KCNQ3: variants seen among roughly 807,000 people sequenced by gnomAD.
KCNQ3 encodes the protein potassium voltage-gated channel subfamily KQT member 3.
A neutral mutation model predicts 92.5 loss-of-function variants in KCNQ3; 30 were observed. The ratio of observed to expected loss-of-function variants is 0.32; its 90% CI spans 0.24 to 0.44. KCNQ3 has a LOEUF of 0.44. KCNQ3 is among the 20% of genes least tolerant of loss of function. The pLI, the probability that KCNQ3 is intolerant of heterozygous loss-of-function variation, is 1.00. For missense variants in KCNQ3, 913 were observed against 1,140.3 expected (o/e 0.80, Z 2.87); for synonymous variants, 450 against 468.8 (o/e 0.96, Z 0.52).
intron 8 of KCNQ3, among the ~76,000 whole-genome samples, chr8:132,164,932 C>T (rs16904613): frequency 0.16 from 25,034 of 152,030 alleles, 2,406 homozygotes; most frequent in African/African-American, 0.25. Flanking sequence ...CTCCACTCAC[C>T]GGACTTCTGT....
At chr8:132,374,731 C>A (rs534147670) in intron 1 of KCNQ3, among the ~76,000 whole-genome samples, 2 of 152,068 alleles carry the variant, frequency 1.3e-5, no homozygotes, top group Admixed American at 1.3e-4. Flanking sequence ...TGTGCATCCA[C>A]GTTTTCTCAT....
intron 10 of KCNQ3, chr8:132,140,409 TG>T: frequency 2.0e-6 from 1 of 512,278 alleles, no homozygotes; most frequent in South Asian, 2.5e-5. Flanking sequence ...AGCTCATGAC[TG>T]GTAGTGAGGG....
intron 1 of KCNQ3, among the ~76,000 whole-genome samples, chr8:132,230,165 A>G (rs982145516): frequency 1.3e-5 from 2 of 152,080 alleles, no homozygotes; most frequent in African/African-American, 4.8e-5. Flanking sequence ...GCTGCCTCCA[A>G]TTTGGATGTA....
intron 1 of KCNQ3, among the ~76,000 whole-genome samples, chr8:132,272,697 C>G (rs991173615): frequency 6.6e-6 from 1 of 152,128 alleles, no homozygotes; most frequent in African/African-American, 2.4e-5. Flanking sequence ...GAGACTTATT[C>G]ACTATCAAGG....
At chr8:132,442,921 A>G (rs1193791291) in intron 1 of KCNQ3, among the ~76,000 whole-genome samples, 3 of 152,088 alleles carry the variant, frequency 2.0e-5, no homozygotes, top group East Asian at 1.9e-4. Flanking sequence ...CCTTCTCCCT[A>G]TGCAACACCC....
intron 1 of KCNQ3, among the ~76,000 whole-genome samples, chr8:132,452,598 C>G (rs181505669): frequency 6.6e-5 from 10 of 152,300 alleles, no homozygotes; most frequent in Admixed American, 5.9e-4. Context: ...GCTATTACTC[C>G]TTCCACTGGC....
In KCNQ3 at chr8:132,137,903, A is replaced by G; in HGVS notation, c.1682T>C (p.Ile561Thr). ...SAGHLDMLSR[I>T]KYLQTRIDMI... ...GTCTCACCTCGTCTGAAGGTACTTT[A>G]TCCTGGAAAGCATGTCGAGATGCCC... Residue 561 changes from isoleucine (I) to threonine (T), a missense_variant, in exon 12 of 15, where the codon ATA (isoleucine) becomes ACA (threonine). Ile to Thr is a moderately conservative substitution (Grantham distance 89). Transcript: ENST00000388996. 6.2e-7 allele frequency: 1 copy of G among 1,614,132 alleles called. No homozygotes were observed. Among genetic ancestry groups the G allele is most frequent in the Middle Eastern group, 1.6e-4 (1 of 6,062 alleles).
intron 1 of KCNQ3, among the ~76,000 whole-genome samples, chr8:132,477,350 TA>T (rs5895143): frequency 0.73 from 105,020 of 143,650 alleles, 38,037 homozygotes; most frequent in African/African-American, 0.79. Context: ...CATTTTAATT[TA>T]AAAAAAAAAA....
At chr8:132,265,109 A>G (rs1430355318) in intron 1 of KCNQ3, among the ~76,000 whole-genome samples, 2 of 152,190 alleles carry the variant, frequency 1.3e-5, no homozygotes, top group South Asian at 2.1e-4. Context: ...TAATAAAGGT[A>G]CAGGTCCTGG....
At chr8:132,271,598 T>G (rs576998026) in intron 1 of KCNQ3, among the ~76,000 whole-genome samples, 1 of 152,138 alleles carries the variant, frequency 6.6e-6, no homozygotes, top group Non-Finnish European at 1.5e-5. Context: ...TGTTGTTGTT[T>G]TACCAGTTTG....
Position 132,124,468 on chromosome 8 carries a change from G to C in KCNQ3, c.*4794C>G, listed in dbSNP as rs998224038. The C allele has an allele frequency of 1.3e-5, 2 of 152,150 alleles. No homozygotes were observed. Among genetic ancestry groups the C allele is most frequent in the South Asian group, 4.1e-4 (2 of 4,824 alleles). The allele number at this position is 152,150 out of a possible 1,614,324, so 9.4% of individuals were successfully genotyped here. A position where few individuals can be genotyped will look rare whatever the true frequency, so the allele number is the denominator to read the frequency against. On this transcript the variant is annotated 3_prime_UTR_variant, in exon 15 of 15. Transcript: ENST00000388996. ...CACGGCAGAAGAGTCAAATGCTTTT[G>C]AATGTGCTGAAACTCAAATTTTCTT...
chr8:132,353,256 G>A (rs923795383), intron 1 of KCNQ3, among the ~76,000 whole-genome samples: 1 of 151,906 alleles, frequency 6.6e-6, no homozygotes, highest in African/African-American at 2.4e-5. Flanking sequence ...GCCAAAAAAA[G>A]TAGGATTTTA....
chr8:132,167,331 T>A (rs905675356), intron 8 of KCNQ3, among the ~76,000 whole-genome samples: 1 of 152,192 alleles, frequency 6.6e-6, no homozygotes, highest in Non-Finnish European at 1.5e-5. Context: ...GATAATAAAA[T>A]TGTTCTAGAA....
chr8:132,303,666 G>GTA (rs1554642834), intron 1 of KCNQ3, among the ~76,000 whole-genome samples: 3 of 9,612 alleles, frequency 3.1e-4, no homozygotes, highest in Non-Finnish European at 2.9e-4. Flanking sequence ...TGGTGTGTGT[G>GTA]TATATATATA....
intron 1 of KCNQ3, among the ~76,000 whole-genome samples, chr8:132,197,234 C>T (rs1563800301): frequency 6.6e-6 from 1 of 152,162 alleles, no homozygotes; most frequent in Non-Finnish European, 1.5e-5. Context: ...CTACGCATGC[C>T]ATATTTGGGT....
chr8:132,184,144 G>C, intron 3 of KCNQ3, 97 bp downstream of exon 3: 3 of 1,509,464 alleles, frequency 2.0e-6, no homozygotes, highest in Non-Finnish European at 2.8e-6. Context: ...ACAGTGCCGC[G>C]TGATTTCCCA....
At chr8:132,206,228 G>T (rs1420533263) in intron 1 of KCNQ3, among the ~76,000 whole-genome samples, 1 of 152,018 alleles carries the variant, frequency 6.6e-6, no homozygotes. Flanking sequence ...ATATCACCTG[G>T]GTTTCCACAG....
chr8:132,247,574 G>T (rs1815221842), intron 1 of KCNQ3, among the ~76,000 whole-genome samples: 1 of 152,036 alleles, frequency 6.6e-6, no homozygotes, highest in Admixed American at 6.6e-5. Flanking sequence ...ATCACCTGAG[G>T]TCAGGAGTTT....
intron 1 of KCNQ3, among the ~76,000 whole-genome samples, chr8:132,216,941 T>C (rs1265834785): frequency 6.6e-6 from 1 of 152,124 alleles, no homozygotes; most frequent in Non-Finnish European, 1.5e-5. Context: ...GCTGGTAAAC[T>C]TATTAAAGAA....
Sources: gnomAD v4.1 joint callset for allele counts (sites outside exome capture counted in the v4.1 genomes callset) on GRCh38, gnomAD v4.1.1 for gene constraint, MANE v1.5 for transcripts, NCBI Gene and HGNC (gene_info 2026-07-23, HGNC 2026-07-21) for gene names.